The following BBS4 variants were observed in gnomAD, a reference collection of about 807,000 sequenced individuals.
BBS4 encodes BBSome complex member BBS4.
BBS4 carries 58 observed loss-of-function variants against 71.4 expected under a neutral mutation model. That is an observed-to-expected ratio of 0.81 (90% confidence interval 0.66 to 1.01). BBS4 has a LOEUF of 1.01. Among genes scored for constraint, BBS4 ranks in the 50% least tolerant of loss-of-function variants. BBS4 has a pLI of 0.00. For missense variants in BBS4, 660 were observed against 607.9 expected, an observed-to-expected ratio of 1.09 and a Z score of -0.90; for synonymous variants, 228 against 216.8, an observed-to-expected ratio of 1.05 and a Z score of -0.46.
chr15:72,724,518 A>C lies in BBS4; in HGVS notation c.460-10A>C. 6.2e-7 allele frequency: 1 copy of C among 1,613,734 alleles called. No individual in the cohort carries two copies. Among genetic ancestry groups the C allele is most frequent in the Middle Eastern group, 1.7e-4 (1 of 6,060 alleles). On this transcript the variant is annotated splice_polypyrimidine_tract_variant and intron_variant, in intron 7 of 15. Transcript: ENST00000268057. ...TGATTTGGTTTTCTTTATTTTGTTA[A>C]ACTTGTCAGGCACAAGACCAGTTGC...
intron 2 of BBS4, among the ~76,000 whole-genome samples, chr15:72,702,438 T>C (rs997854766): frequency 2.0e-5 from 3 of 152,174 alleles, no homozygotes; most frequent in Non-Finnish European, 2.9e-5. Flanking sequence ...AGAAAAACTT[T>C]GAGATACATG....
chr15:72,720,486 CAA>C (rs60677539), intron 6 of BBS4, among the ~76,000 whole-genome samples: 45,386 of 121,112 alleles, frequency 0.37, 7,753 homozygotes, highest in East Asian at 0.7. Context: ...GACCCTGTCT[CAA>C]AAAAAAAAAA....
chr15:72,726,044 A>G (rs1201351048), intron 8 of BBS4, among the ~76,000 whole-genome samples: 3 of 110,222 alleles, frequency 2.7e-5, no homozygotes, highest in Non-Finnish European at 1.8e-5. Context: ...TTTTCTTTCC[A>G]TCCTTTCCCT....
At chr15:72,729,500 T>A in intron 9 of BBS4, 116 bp from the exon 10 acceptor site, 2 of 920,120 alleles carry the variant, frequency 2.2e-6, no homozygotes, top group South Asian at 2.6e-5. Context: ...TCCACCCACC[T>A]TAGCCTCCCA....
At chr15:72,708,335 C>T (rs547552445) in intron 2 of BBS4, among the ~76,000 whole-genome samples, 75 of 152,186 alleles carry the variant, frequency 4.9e-4, no homozygotes, top group African/African-American at 1.3e-3. Flanking sequence ...ACGGAGGGAC[C>T]GGCTGGAGCT....
intron 2 of BBS4, among the ~76,000 whole-genome samples, chr15:72,707,961 T>G (rs2065294252): frequency 8.7e-6 from 1 of 115,030 alleles, no homozygotes; most frequent in Non-Finnish European, 1.8e-5. Flanking sequence ...ACTCTGATCA[T>G]CAGATGTGAT....
intron 13 of BBS4, chr15:72,735,531 T>C (rs1247362170): frequency 1.9e-6 from 1 of 532,766 alleles, no homozygotes. Context: ...CAGGATTTAC[T>C]CCGCTGGCAT....
At position 72,709,756 on chromosome 15, in the gene BBS4, C is replaced by T. The variant is rs760345612; in HGVS notation, c.133C>T (p.Arg45Trp). 5.4e-5 allele frequency: 87 copies of T among 1,613,356 alleles called. No individual in the cohort carries two copies. The highest frequency in any genetic ancestry group is 1.6e-4 in the Middle Eastern group (1 of 6,082). The change falls in exon 3 of 16, where the codon CGG becomes TGG. Residue 45 changes from arginine to tryptophan, a missense_variant. Coordinates refer to ENST00000268057, the MANE Select transcript of BBS4 (RefSeq NM_033028.5). ...CTGGTTGATTCATCTTCATTATATC[C>T]GGAAAGATTATGAAGCCTGCAAGGT... ...QNWLIHLHYI[R>W]KDYEACKAVI...
rs1396818664 is a variant in BBS4, at chr15:72,737,871, AG to A, written c.*285del. The A allele has an allele frequency of 2.1e-6, 1 of 478,250 alleles. No homozygotes were observed. The highest frequency in any genetic ancestry group is 4.1e-6 in the Non-Finnish European group (1 of 242,808). 29.6% of individuals were successfully genotyped at this position (478,250 alleles called of 1,614,324 possible). ...GAGGCCTTATGTATGTAGCTGAGTC[AG>A]CAAGGTACATGATGCTGTCTGCTTT... On this transcript the variant is annotated 3_prime_UTR_variant, in exon 16 of 16. Coordinates refer to ENST00000268057, the MANE Select transcript of BBS4 (RefSeq NM_033028.5).
intron 13 of BBS4, 25 bp from the exon 14 acceptor site, chr15:72,735,800 T>A: frequency 6.2e-7 from 1 of 1,614,084 alleles, no homozygotes; most frequent in Non-Finnish European, 8.5e-7. Flanking sequence ...AGCCCCCAGC[T>A]CCATAGAATC....
At chr15:72,712,135 G>T (rs2065383786) in intron 3 of BBS4, 109 bp from the exon 4 acceptor site, 1 of 929,476 alleles carries the variant, frequency 1.1e-6, no homozygotes, top group Non-Finnish European at 1.7e-6. Context: ...CCAAAGTTTT[G>T]GGATTACAAG....
At chr15:72,704,561 T>C (rs1364792051) in intron 2 of BBS4, 2 of 734,136 alleles carry the variant, frequency 2.7e-6, no homozygotes, top group African/African-American at 3.7e-5. Flanking sequence ...TCTTTGATGA[T>C]AAGTAGATAA....
chr15:72,705,958 G>T (rs1012015709), intron 2 of BBS4, among the ~76,000 whole-genome samples: 6 of 151,930 alleles, frequency 3.9e-5, no homozygotes, highest in African/African-American at 1.5e-4. Context: ...TTTTCTTTTA[G>T]ACTACTTAGT....
intron 3 of BBS4, among the ~76,000 whole-genome samples, chr15:72,710,680 T>C (rs1418136075): frequency 1.3e-5 from 2 of 152,166 alleles, no homozygotes; most frequent in African/African-American, 4.8e-5. Flanking sequence ...TCTTTTTTGG[T>C]ATCCAGAGCT....
rs1172324783 is a variant in BBS4, at chr15:72,686,223, C to A, written c.-5C>A. The A allele has an allele frequency of 6.4e-7, 1 of 1,562,958 alleles. No individual in the cohort carries two copies. Among genetic ancestry groups the A allele is most frequent in the Non-Finnish European group, 8.7e-7 (1 of 1,154,596 alleles). On this transcript the variant is annotated 5_prime_UTR_variant, in exon 1 of 16. Coordinates refer to ENST00000268057, the MANE Select transcript of BBS4 (RefSeq NM_033028.5). ...TCCGGCCGCGCAGCGGTGGGCTGAG[C>A]TAAAATGGCTGAGGAGAGAGTCGCG... is the stretch of plus-strand genomic sequence containing the variant.
intron 2 of BBS4, among the ~76,000 whole-genome samples, chr15:72,695,506 C>T (rs1021835819): frequency 2.0e-5 from 3 of 152,132 alleles, no homozygotes; most frequent in Non-Finnish European, 2.9e-5. Context: ...AGGCTGGTCT[C>T]GAACTCCTGA....
rs1481622299 is a variant in BBS4 at position 72,737,614 on chromosome 15, G to A, written c.*27G>A. On this transcript the variant is annotated 3_prime_UTR_variant, in exon 16 of 16. Transcript: ENST00000268057. Reference sequence around the variant, plus strand: ...AATAGAATGAATGACCCCAAAATAGGGTTTTCTTGGGCGAGGATGTGCTGG... The same window carrying A: ...AATAGAATGAATGACCCCAAAATAGAGTTTTCTTGGGCGAGGATGTGCTGG... The A allele has an allele frequency of 2.6e-6, 4 of 1,538,764 alleles. No homozygotes were observed. Among genetic ancestry groups the A allele is most frequent in the African/African-American group, 1.4e-5 (1 of 73,246 alleles).
chr15:72,735,351 C>T (rs1052497786), intron 13 of BBS4, 169 bp downstream of exon 13: 2 of 664,250 alleles, frequency 3.0e-6, no homozygotes, highest in Admixed American at 2.1e-5. Context: ...TATGTGGTGG[C>T]TCAGCAGGAA....
At chr15:72,694,856 C>T (rs1462682792) in intron 1 of BBS4, among the ~76,000 whole-genome samples, 2 of 152,092 alleles carry the variant, frequency 1.3e-5, no homozygotes, top group Admixed American at 6.6e-5. Context: ...AGTATGGCAT[C>T]AAGTATAATA....
Sources: gnomAD v4.1 joint callset for allele counts (sites outside exome capture counted in the v4.1 genomes callset) on GRCh38, gnomAD v4.1.1 for gene constraint, MANE v1.5 for transcripts, NCBI Gene and HGNC (gene_info 2026-07-23, HGNC 2026-07-21) for gene names.